PTCH1: variants seen among roughly 807,000 people sequenced by gnomAD.
The protein encoded by PTCH1 is protein patched homolog 1.
In PTCH1, 14 loss-of-function variants were observed where a neutral mutation model predicts 144.6. The observed-to-expected ratio is 0.10, with a 90% CI of 0.06 to 0.15. The LOEUF is 0.15. PTCH1 is among the 10% of genes least tolerant of loss of function. The pLI is 1.00. For missense variants in PTCH1, 1,623 were observed against 1,948.3 expected (o/e 0.83, Z 3.14); for synonymous variants, 833 against 793.6 (o/e 1.05, Z -0.83).
chr9:95,453,483 A>C lies in PTCH1; in HGVS notation c.3444T>G (p.Ile1148Met), dbSNP rs1439411173. ...CCTTGCACACGCCTGCTTACCTGAC[A>C]ATGAAGTCGAACTCAGATCCCGCCA... ...LMLAGSEFDF[I>M]VRYFFAVLAI... The change falls in exon 20 of 24, where the codon ATT becomes ATG. Residue 1148 changes from isoleucine to methionine, a missense_variant. Ile to Met is a conservative substitution (Grantham distance 10). This residue lies in a region of PTCH1 where 504 missense variants were observed against 679.3 expected (regional missense o/e 0.74). Coordinates refer to ENST00000331920, the MANE Select transcript of PTCH1 (RefSeq NM_000264.5). The C allele has an allele frequency of 6.2e-7, 1 of 1,614,120 alleles. No homozygotes were observed. Among genetic ancestry groups the C allele is most frequent in the Non-Finnish European group, 8.5e-7 (1 of 1,180,038 alleles).
At position 95,507,433 on chromosome 9, in the gene PTCH1, T is replaced by A. The variant is rs542043037; in HGVS notation, c.201+728A>T. On this transcript the variant is annotated intron_variant, in intron 1 of 23. Transcript: ENST00000331920. ...GCTCGCCTTCCCTGGATTCCACACA[T>A]TTCAGCGAGCCTCGTAAACACAATG... The A allele has an allele frequency of 4.1e-6, 4 of 985,376 alleles. No homozygotes were observed. The South Asian group carries it at 1.9e-4, about 46-fold the overall frequency. 61.0% of individuals were successfully genotyped at this position (985,376 alleles called of 1,614,324 possible).
chr9:95,516,105 C>G (rs866359280), intron 1 of PTCH1, among the ~76,000 whole-genome samples: 2 of 152,024 alleles, frequency 1.3e-5, no homozygotes, highest in African/African-American at 2.4e-5. Context: ...AGGTGGCGAC[C>G]CTTTCAGGCG....
intron 2 of PTCH1, among the ~76,000 whole-genome samples, chr9:95,502,988 C>A (rs891287508): frequency 6.6e-6 from 1 of 152,176 alleles, no homozygotes; most frequent in African/African-American, 2.4e-5. Context: ...TACACACACA[C>A]GCTCCTGTGA....
At chr9:95,464,130 T>A (rs1406866094) in intron 15 of PTCH1, among the ~76,000 whole-genome samples, 1 of 152,202 alleles carries the variant, frequency 6.6e-6, no homozygotes, top group Admixed American at 6.5e-5. Context: ...TGCCATTCAC[T>A]CTACTGGGGG....
In PTCH1 at chr9:95,446,854, T is replaced by G. The variant is rs952606672; in HGVS notation, c.*1+57A>C. On this transcript the variant is annotated intron_variant, in intron 23 of 23. Transcript: ENST00000331920. ...GATGCCGAGAACCCCAGGAGAACCT[T>G]GTCCTCCTCTTTGCCTGGCTCTAGG... 35 of 1,604,332 alleles carry G rather than the reference T, an allele frequency of 2.2e-5. No individual in the cohort carries two copies. In the South Asian group the frequency reaches 2.9e-4, roughly 13 times the overall value.
rs192128742 is a variant in PTCH1, at chr9:95,475,522, G to A, written c.1728+512C>T. Among the ~76,000 whole-genome samples, 7 of 152,294 alleles carry A rather than the reference G, an allele frequency of 4.6e-5. No individual in the cohort carries two copies. The South Asian group carries it at 8.3e-4, about 18-fold the overall frequency. On this transcript the variant is annotated intron_variant, in intron 12 of 23. Coordinates refer to ENST00000331920, the MANE Select transcript of PTCH1 (RefSeq NM_000264.5). ...TGCAGGAAATTCTCCACAGAGCCTC[G>A]CCAGTTCGCGGTCCTGCAGTGCCGT...
chr9:95,460,316 C>T (rs1839350376), intron 16 of PTCH1, among the ~76,000 whole-genome samples: 1 of 152,200 alleles, frequency 6.6e-6, no homozygotes, highest in Non-Finnish European at 1.5e-5. Flanking sequence ...GACGAGTGCA[C>T]ACCCTCAAGC....
chr9:95,492,666 C>G (rs1017576429), intron 2 of PTCH1, among the ~76,000 whole-genome samples: 1 of 151,928 alleles, frequency 6.6e-6, no homozygotes, highest in African/African-American at 2.4e-5. Flanking sequence ...ATCCCATACA[C>G]TTCTGGTCCC....
rs1047263075 is a variant in PTCH1, at chr9:95,476,263, C to T, written c.1603-104G>A. 4 of 1,478,538 alleles carry T rather than the reference C, an allele frequency of 2.7e-6. No homozygotes were observed. The Admixed American group carries it at 5.9e-5, about 22-fold the overall frequency. 91.6% of individuals were successfully genotyped at this position (1,478,538 alleles called of 1,614,324 possible). On this transcript the variant is annotated intron_variant, in intron 11 of 23. Transcript: ENST00000331920. The surrounding 1 kb of genome is among the most constrained non-coding windows in gnomAD (Gnocchi z 4.6). ...TGGCAGAATAACACAACTGTTATTA[C>T]AGCTTATCATGCTGGCATTAGGGAA...
At chr9:95,506,231 C>CT in intron 2 of PTCH1, 176 bp downstream of exon 2, 2 of 717,268 alleles carry the variant, frequency 2.8e-6, no homozygotes, top group South Asian at 3.9e-5. Flanking sequence ...ACAGCGCGGC[C>CT]TTTGTCGGGC....
At chr9:95,516,545 C>A in exon 1 of PTCH1, 3 of 1,541,500 alleles carry the variant, frequency 1.9e-6, no homozygotes, top group Non-Finnish European at 2.6e-6. Flanking sequence ...CACATCAATT[C>A]CTTTTTTTTC....
chr9:95,461,489 G>C (rs966380848), intron 16 of PTCH1, among the ~76,000 whole-genome samples: 8 of 152,162 alleles, frequency 5.3e-5, no homozygotes, highest in Non-Finnish European at 8.8e-5. Context: ...TTCCAAGCTT[G>C]AATACCATCA....
At chr9:95,512,365 A>G (rs542669228), upstream of PTCH1, among the ~76,000 whole-genome samples, 1 of 148,088 alleles carries the variant, frequency 6.8e-6, no homozygotes, top group South Asian at 2.3e-4. Context: ...AACGAGCGCT[A>G]TCTTAATCTC....
In PTCH1 at chr9:95,506,841, C is replaced by T. The variant is rs1181502983; in HGVS notation, c.202-242G>A. The T allele has an allele frequency of 4.2e-6, 5 of 1,177,410 alleles. No homozygotes were observed. The African/African-American group carries it at 4.8e-5, about 11-fold the overall frequency. 72.9% of individuals were successfully genotyped at this position (1,177,410 alleles called of 1,614,324 possible). A position where few individuals can be genotyped will look rare whatever the true frequency, so the allele number is the denominator to read the frequency against. On this transcript the variant is annotated intron_variant, in intron 1 of 23. Coordinates refer to ENST00000331920, the MANE Select transcript of PTCH1 (RefSeq NM_000264.5). ...GGGGACATCAGGGCGCCCCCACCCG[C>T]GGGATCCCTGAGCGACTTGGGGCAC... is the stretch of plus-strand genomic sequence containing the variant.
chr9:95,448,505 A>G (rs1159662023), intron 22 of PTCH1, among the ~76,000 whole-genome samples: 1 of 152,152 alleles, frequency 6.6e-6, no homozygotes, highest in African/African-American at 2.4e-5. Context: ...GAAGGCTAAG[A>G]ACTCAGGGGT....
At chr9:95,507,296 A>T (rs1198277463) in intron 1 of PTCH1, 2 of 985,288 alleles carry the variant, frequency 2.0e-6, no homozygotes, top group African/African-American at 3.5e-5. Context: ...CTTTCTGGTT[A>T]AACGTAAAAA....
upstream of PTCH1, among the ~76,000 whole-genome samples, chr9:95,511,193 C>T (rs1010644633): frequency 1.3e-5 from 2 of 150,688 alleles, no homozygotes; most frequent in South Asian, 4.1e-4. Context: ...GTCCACGCGG[C>T]TCCCGCAGGG....
intron 20 of PTCH1, chr9:95,453,150 TGAGACAGA>T: frequency 5.5e-6 from 2 of 363,422 alleles, no homozygotes; most frequent in Non-Finnish European, 1.1e-5. Context: ...TTTTTTTTTT[TGAGACAGA>T]ATCTCGCTCT....
intron 14 of PTCH1, among the ~76,000 whole-genome samples, chr9:95,467,884 G>A (rs1409009855): frequency 6.6e-6 from 1 of 152,164 alleles, no homozygotes; most frequent in Non-Finnish European, 1.5e-5. Flanking sequence ...TGGGATTACA[G>A]GCGTGAGCCA....
Sources: gnomAD v4.1 joint callset for allele counts (sites outside exome capture counted in the v4.1 genomes callset) on GRCh38, gnomAD v4.1.1 for gene constraint, gnomAD v4.1.1 regional missense constraint, Gnocchi (gnomAD v3.1) non-coding constraint, MANE v1.5 for transcripts, NCBI Gene and HGNC (gene_info 2026-07-23, HGNC 2026-07-21) for gene names.